GNAQ: variants seen among roughly 807,000 people sequenced by gnomAD.
The protein encoded by GNAQ is guanine nucleotide-binding protein G(q) subunit alpha.
In GNAQ, 8 loss-of-function variants were observed where a neutral mutation model predicts 43.9. The ratio of observed to expected loss-of-function variants is 0.18; its 90% CI spans 0.11 to 0.33. The LOEUF (loss-of-function observed/expected upper bound fraction) is 0.33, where lower values mean the gene tolerates loss of function less well. Ranked by LOEUF, GNAQ falls within the 10% of genes least tolerant of loss-of-function variation. The pLI, the probability that GNAQ is intolerant of heterozygous loss-of-function variation, is 1.00. For missense variants in GNAQ, 158 were observed against 450.8 expected, an observed-to-expected ratio of 0.35 and a Z score of 5.88; for synonymous variants, 155 against 170.7, an observed-to-expected ratio of 0.91 and a Z score of 0.71.
chr9:77,798,906 A>G (rs1230189748), intron 3 of GNAQ, among the ~76,000 whole-genome samples: 1 of 152,192 alleles, frequency 6.6e-6, no homozygotes, highest in Non-Finnish European at 1.5e-5. Flanking sequence ...ATGAGATTTT[A>G]TATGTAGAGA....
intron 5 of GNAQ, among the ~76,000 whole-genome samples, chr9:77,758,523 A>G (rs1825938817): frequency 6.6e-6 from 1 of 152,246 alleles, no homozygotes; most frequent in Non-Finnish European, 1.5e-5. Context: ...ATGCATGTAT[A>G]TAGCAGAAAA....
intron 1 of GNAQ, among the ~76,000 whole-genome samples, chr9:78,010,402 G>A (rs1168986560): frequency 2.0e-5 from 3 of 152,186 alleles, no homozygotes; most frequent in African/African-American, 7.2e-5. Context: ...ACAGATGACT[G>A]AAGATGGAAT....
chr9:77,785,895 C>T (rs1384253656), intron 5 of GNAQ, among the ~76,000 whole-genome samples: 1 of 151,974 alleles, frequency 6.6e-6, no homozygotes, highest in Non-Finnish European at 1.5e-5. Flanking sequence ...ACCAAGAAAA[C>T]TCCAAAGAAC....
intron 2 of GNAQ, among the ~76,000 whole-genome samples, chr9:77,899,848 G>C (rs1206171449): frequency 6.6e-6 from 1 of 152,198 alleles, no homozygotes; most frequent in Non-Finnish European, 1.5e-5. Flanking sequence ...GCACGGAACT[G>C]TGCTAGGTGC....
At chr9:77,881,022 TA>T (rs1317247539) in intron 2 of GNAQ, among the ~76,000 whole-genome samples, 1 of 152,152 alleles carries the variant, frequency 6.6e-6, no homozygotes, top group African/African-American at 2.4e-5. Flanking sequence ...CCATAGGAGT[TA>T]GCATGCTCCC....
At chr9:77,948,030 T>G (rs1390594551) in intron 1 of GNAQ, among the ~76,000 whole-genome samples, 1 of 152,244 alleles carries the variant, frequency 6.6e-6, no homozygotes, top group Non-Finnish European at 1.5e-5. Flanking sequence ...TGAAGGTAGC[T>G]AGAAGAATAC....
chr9:77,811,364 G>T (rs1826920904), intron 3 of GNAQ, among the ~76,000 whole-genome samples: 1 of 151,496 alleles, frequency 6.6e-6, no homozygotes, highest in East Asian at 1.9e-4. Flanking sequence ...AAAATATAAA[G>T]ATATGAAAAA....
intron 5 of GNAQ, among the ~76,000 whole-genome samples, chr9:77,771,487 G>A (rs1826221548): frequency 6.6e-6 from 1 of 152,158 alleles, no homozygotes. Context: ...CAGAAAATGA[G>A]AGATATATTC....
intron 2 of GNAQ, among the ~76,000 whole-genome samples, chr9:77,860,823 A>C (rs143448227): frequency 7.9e-5 from 12 of 152,192 alleles, no homozygotes; most frequent in Non-Finnish European, 1.5e-4. Context: ...CTCCCAGCTG[A>C]AGTTCATGAC....
At chr9:77,723,356 T>G (rs1825348330) in intron 6 of GNAQ, among the ~76,000 whole-genome samples, 1 of 152,186 alleles carries the variant, frequency 6.6e-6, no homozygotes, top group Non-Finnish European at 1.5e-5. Context: ...AAACATAGAA[T>G]AACCATATGA....
chr9:77,949,424 A>T (rs1401879377), intron 1 of GNAQ, among the ~76,000 whole-genome samples: 2 of 152,216 alleles, frequency 1.3e-5, no homozygotes, highest in Non-Finnish European at 2.9e-5. Context: ...TCTTGGGAGA[A>T]ACAGGGGCTT....
chr9:77,993,091 T>C (rs955361930), intron 1 of GNAQ, among the ~76,000 whole-genome samples: 2 of 152,234 alleles, frequency 1.3e-5, no homozygotes, highest in African/African-American at 2.4e-5. Flanking sequence ...ACCTTATATA[T>C]AAAACACAGC....
chr9:77,970,232 A>AAAC (rs1554729625), intron 1 of GNAQ, among the ~76,000 whole-genome samples: 42 of 149,414 alleles, frequency 2.8e-4, no homozygotes, highest in Admixed American at 1.4e-3. Flanking sequence ...CAAAAAAAAA[A>AAAC]AAACAAACAA....
chr9:77,844,876 T>C (rs561787700), intron 2 of GNAQ, among the ~76,000 whole-genome samples: 1 of 152,048 alleles, frequency 6.6e-6, no homozygotes, highest in South Asian at 2.1e-4. Context: ...GTTTTCACCA[T>C]GTTGGCCAGG....
intron 6 of GNAQ, among the ~76,000 whole-genome samples, chr9:77,727,921 A>G (rs763899992): frequency 7.2e-5 from 11 of 152,196 alleles, no homozygotes; most frequent in African/African-American, 2.4e-4. Context: ...AGAGGGGACT[A>G]TAAGAGTTAA....
chr9:77,900,891 T>TGTCC (rs570493358), intron 2 of GNAQ, among the ~76,000 whole-genome samples: 2 of 152,158 alleles, frequency 1.3e-5, no homozygotes, highest in South Asian at 2.1e-4. Flanking sequence ...AAGCAATGAG[T>TGTCC]GTCCTGCTTC....
chr9:77,849,442 G>A (rs75233182), intron 2 of GNAQ, among the ~76,000 whole-genome samples: 115 of 152,218 alleles, frequency 7.6e-4, no homozygotes, highest in Middle Eastern at 3.4e-3. Flanking sequence ...GCCATGTGGG[G>A]TCTACAACTA....
At chr9:77,942,967 A>T (rs2118349134) in intron 1 of GNAQ, among the ~76,000 whole-genome samples, 1 of 152,322 alleles carries the variant, frequency 6.6e-6, no homozygotes, top group African/African-American at 2.4e-5. Context: ...TTGACTGTAA[A>T]TGAGTGAATT....
intron 5 of GNAQ, among the ~76,000 whole-genome samples, chr9:77,744,634 G>A (rs532969861): frequency 1.3e-5 from 2 of 152,256 alleles, no homozygotes; most frequent in Non-Finnish European, 2.9e-5. Flanking sequence ...ACAAAATGGG[G>A]TGGGTAGAGG....
Sources: allele counts gnomAD v4.1 joint callset (sites outside exome capture counted in the v4.1 genomes callset), GRCh38; gene constraint gnomAD v4.1.1; transcripts MANE v1.5; gene names NCBI Gene and HGNC (gene_info 2026-07-23, HGNC 2026-07-21).